MDFIC2: variants seen among roughly 807,000 people sequenced by gnomAD.
The protein encoded by MDFIC2 is MyoD family inhibitor domain containing 2.
At chr3:70,296,734 C>T (rs1702292754) in intron 2 of MDFIC2, among the ~76,000 whole-genome samples, 1 of 152,064 alleles carries the variant, frequency 6.6e-6, no homozygotes, top group Non-Finnish European at 1.5e-5. Context: ...CAGTGTCATT[C>T]CTTTAACTCC....
In MDFIC2 at chr3:70,275,555, G is replaced by A. The variant is rs1019383607; in HGVS notation, c.88+36331C>T. ...AAACAAATCAAATCAAAAAAACAAA[G>A]GAATTCAGTCCTTGGGACTGCACTG... On this transcript the variant is annotated intron_variant, in intron 2 of 3. Transcript: ENST00000567252. Among the ~76,000 whole-genome samples the A allele has an allele frequency of 7.2e-5, 11 of 151,954 alleles. No individual in the cohort carries two copies. In the East Asian group the frequency reaches 2.1e-3, roughly 29 times the overall value.
intron 2 of MDFIC2, among the ~76,000 whole-genome samples, chr3:70,216,598 T>C (rs931659875): frequency 1.3e-5 from 2 of 152,048 alleles, no homozygotes; most frequent in African/African-American, 4.8e-5. Context: ...TAGATAGAGA[T>C]TTTTTAAGTG....
chr3:70,259,211 C>T (rs1020834848), intron 2 of MDFIC2, among the ~76,000 whole-genome samples: 2 of 152,096 alleles, frequency 1.3e-5, no homozygotes, highest in African/African-American at 4.8e-5. Context: ...AGAACACATT[C>T]TATTCATAGT....
At chr3:70,254,743 A>G (rs139995817) in intron 2 of MDFIC2, among the ~76,000 whole-genome samples, 77 of 152,326 alleles carry the variant, frequency 5.1e-4, no homozygotes, top group Admixed American at 1.4e-3. Flanking sequence ...ACTCTACTCA[A>G]TAGAGATATT....
At chr3:70,293,596 G>A (rs1422154409) in intron 2 of MDFIC2, among the ~76,000 whole-genome samples, 1 of 152,092 alleles carries the variant, frequency 6.6e-6, no homozygotes, top group Non-Finnish European at 1.5e-5. Flanking sequence ...GTGCCACAGT[G>A]ATATAAGATG....
At chr3:70,206,195 T>C (rs1576154721) in intron 3 of MDFIC2, among the ~76,000 whole-genome samples, 1 of 152,206 alleles carries the variant, frequency 6.6e-6, no homozygotes, top group Admixed American at 6.5e-5. Flanking sequence ...TCCGGCATTT[T>C]AATACTATTT....
At chr3:70,279,940 T>A (rs1702064546) in intron 2 of MDFIC2, among the ~76,000 whole-genome samples, 1 of 152,164 alleles carries the variant, frequency 6.6e-6, no homozygotes, top group Non-Finnish European at 1.5e-5. Flanking sequence ...CTGTCTTTGC[T>A]CCATTACTGT....
chr3:70,237,466 C>T (rs1701621119), intron 2 of MDFIC2, among the ~76,000 whole-genome samples: 1 of 152,192 alleles, frequency 6.6e-6, no homozygotes, highest in African/African-American at 2.4e-5. Flanking sequence ...GAAACGTCTG[C>T]TTATCCTCCA....
At position 70,237,675 on chromosome 3, in the gene MDFIC2, C is replaced by A. The variant is rs75634251; in HGVS notation, c.89-30885G>T. On this transcript the variant is annotated intron_variant, in intron 2 of 3. Transcript: ENST00000567252. Reference sequence around the variant, plus strand: ...GCCTAAATAGGGAAAAGATTGTTAACCTTTTGTTATCTAACATGTATACAC... The same window carrying A: ...GCCTAAATAGGGAAAAGATTGTTAAACTTTTGTTATCTAACATGTATACAC... 8.6e-3 allele frequency among the ~76,000 whole-genome samples: 1,308 copies of A among 152,310 alleles called. 23 individuals are homozygous for A. The highest frequency in any genetic ancestry group is 0.03 in the African/African-American group (1,234 of 41,568).
At chr3:70,214,620 T>TC (rs1395066106) in intron 2 of MDFIC2, among the ~76,000 whole-genome samples, 1 of 150,258 alleles carries the variant, frequency 6.7e-6, no homozygotes, top group Non-Finnish European at 1.5e-5. Flanking sequence ...TTTTTTTTTT[T>TC]TATCTAACTA....
At chr3:70,279,227 A>G (rs1368465176) in intron 2 of MDFIC2, among the ~76,000 whole-genome samples, 2 of 151,822 alleles carry the variant, frequency 1.3e-5, no homozygotes, top group Non-Finnish European at 2.9e-5. Flanking sequence ...TTTCACAAGA[A>G]CCCTGCAAAG....
intron 2 of MDFIC2, among the ~76,000 whole-genome samples, chr3:70,207,541 A>G (rs1701304372): frequency 6.6e-6 from 1 of 152,082 alleles, no homozygotes; most frequent in Non-Finnish European, 1.5e-5. Context: ...TGTATTTTAC[A>G]TCTCCTATAC....
chr3:70,279,910 A>G (rs1464333710), intron 2 of MDFIC2, among the ~76,000 whole-genome samples: 2 of 152,174 alleles, frequency 1.3e-5, no homozygotes, highest in Non-Finnish European at 2.9e-5. Context: ...GAAGAGAAAG[A>G]CATCATATTG....
At chr3:70,302,617 G>T (rs146343778) in intron 2 of MDFIC2, 1 of 152,006 alleles carries the variant, frequency 6.6e-6, no homozygotes, top group African/African-American at 2.4e-5. Context: ...CTTCCTATTG[G>T]GACTGGAGGA....
chr3:70,281,129 T>C (rs756692737), intron 2 of MDFIC2, among the ~76,000 whole-genome samples: 8 of 152,192 alleles, frequency 5.3e-5, no homozygotes, highest in Non-Finnish European at 1.2e-4. Context: ...TTTTCAAGGA[T>C]GTTTCAGAGG....
At position 70,302,173 on chromosome 3, in the gene MDFIC2, C is replaced by T. The variant is rs1385852254; in HGVS notation, c.88+9713G>A. Among the ~76,000 whole-genome samples the T allele has an allele frequency of 3.3e-5, 5 of 152,260 alleles. No individual in the cohort carries two copies. In the East Asian group the frequency reaches 9.6e-4, roughly 29 times the overall value. On this transcript the variant is annotated intron_variant, in intron 2 of 3. Transcript: ENST00000567252. ...TGCTGCACATTTACTTCTCGACAGG[C>T]TTAAATAATGGCTAAAATGGTTGAA... is the stretch of plus-strand genomic sequence containing the variant.
chr3:70,306,252 C>G (rs999914011), intron 2 of MDFIC2, among the ~76,000 whole-genome samples: 1 of 152,058 alleles, frequency 6.6e-6, no homozygotes, highest in Admixed American at 6.5e-5. Flanking sequence ...TACAGGCACT[C>G]GCCACCACAC....
At chr3:70,259,859 C>G (rs1701849395) in intron 2 of MDFIC2, among the ~76,000 whole-genome samples, 1 of 152,074 alleles carries the variant, frequency 6.6e-6, no homozygotes, top group Non-Finnish European at 1.5e-5. Context: ...AGGAAACTTA[C>G]AATCATGGTG....
intron 2 of MDFIC2, among the ~76,000 whole-genome samples, chr3:70,291,636 T>C (rs936826420): frequency 3.3e-5 from 5 of 152,176 alleles, no homozygotes; most frequent in African/African-American, 1.2e-4. Context: ...GGCTGTCACT[T>C]TCCCCTGTGG....
Sources: allele counts gnomAD v4.1 joint callset (sites outside exome capture counted in the v4.1 genomes callset), GRCh38; gene constraint gnomAD v4.1.1; transcripts MANE v1.5; gene names NCBI Gene and HGNC (gene_info 2026-07-23, HGNC 2026-07-21).